The following ZCCHC2 variants were observed in gnomAD, a reference collection of about 807,000 sequenced individuals.
ZCCHC2 encodes zinc finger CCHC domain-containing protein 2.
In ZCCHC2, 39 loss-of-function variants were observed where a neutral mutation model predicts 103.6. That is an observed-to-expected ratio of 0.38 (90% CI 0.29 to 0.49). The LOEUF is 0.49. Among genes scored for constraint, ZCCHC2 ranks in the 20% least tolerant of loss-of-function variants. The probability of loss-of-function intolerance (pLI) is 0.96; values close to 1 mark genes in which losing one functional copy is unlikely to be tolerated. For missense variants in ZCCHC2, 1,483 were observed against 1,491.0 expected (o/e 0.99, Z 0.09); for synonymous variants, 687 against 608.9 (o/e 1.13, Z -1.89).
chr18:62,576,620 G>GT lies in ZCCHC2; in HGVS notation c.*41_*42insT. The GT allele has an allele frequency of 6.3e-7, 1 of 1,581,838 alleles. No homozygotes were observed. Among genetic ancestry groups the GT allele is most frequent in the Non-Finnish European group, 8.7e-7 (1 of 1,152,208 alleles). ...CCTACTTAATACACTCAAGTGTGGG[G>GT]AGTCATGGGGTGTGGAGGGGAGGAA... On this transcript the variant is annotated 3_prime_UTR_variant, in exon 14 of 14. Coordinates refer to ENST00000269499, the MANE Select transcript of ZCCHC2 (RefSeq NM_017742.6).
rs376877137 is a variant in ZCCHC2 at position 62,563,079 on chromosome 18, G to A, written c.1621G>A (p.Asp541Asn). 1.8e-5 allele frequency: 29 copies of A among 1,613,822 alleles called. No homozygotes were observed. In the East Asian group the frequency reaches 2.0e-4, roughly 11 times the overall value. The change falls in exon 9 of 14, where the codon GAT becomes AAT. Residue 541 changes from aspartate to asparagine, a missense_variant. Around this residue, in one of 3 missense-constraint regions of ZCCHC2, gnomAD observed 884 missense variants for 907.5 expected, o/e 0.97. Coordinates refer to ENST00000269499, the MANE Select transcript of ZCCHC2 (RefSeq NM_017742.6). ...MQYSEQNGIV[D>N]WRKQSCTTIQ... ...ATATTCTGAACAGAATGGAATTGTG[G>A]ATTGGAGGAAGCAAAGCTGTACCAC...
chr18:62,528,909 C>T lies in ZCCHC2; in HGVS notation c.939+4546C>T, dbSNP rs547058673. Among the ~76,000 whole-genome samples, 4 of 152,164 alleles carry T rather than the reference C, an allele frequency of 2.6e-5. No homozygotes were observed. The South Asian group carries it at 8.3e-4, about 32-fold the overall frequency. On this transcript the variant is annotated intron_variant, in intron 1 of 13. Transcript: ENST00000269499. ...GGCGCAGTGGCTCACGCCTGTAATT[C>T]CAGCACTTTGAAAGCCAAGGCAGGT...
At chr18:62,548,229 A>C (rs1454551350) in intron 4 of ZCCHC2, among the ~76,000 whole-genome samples, 1 of 152,162 alleles carries the variant, frequency 6.6e-6, no homozygotes, top group African/African-American at 2.4e-5. Flanking sequence ...CTAGAATATA[A>C]AAGACATGAT....
intron 12 of ZCCHC2, among the ~76,000 whole-genome samples, chr18:62,573,644 T>C (rs1850500789): frequency 1.3e-5 from 2 of 152,202 alleles, no homozygotes; most frequent in South Asian, 4.1e-4. Flanking sequence ...ACTGAGCTCT[T>C]TGAAATTGTA....
chr18:62,576,745 G>T lies in ZCCHC2; in HGVS notation c.*166G>T, dbSNP rs1340485165. 1 of 622,406 alleles carries T rather than the reference G, an allele frequency of 1.6e-6. No homozygotes were observed. Among genetic ancestry groups the T allele is most frequent in the Non-Finnish European group, 2.7e-6 (1 of 364,054 alleles). 38.6% of individuals were successfully genotyped at this position (622,406 alleles called of 1,614,324 possible). ...ACCAATGTCCAAAACAAGAAAGAAT[G>T]CAATGCTTTTGAGCCTCTGGTCTCC... On this transcript the variant is annotated 3_prime_UTR_variant, in exon 14 of 14. Transcript: ENST00000269499.
rs551688918 is a variant in ZCCHC2, at chr18:62,537,555, C to T, written c.940-2126C>T. 7.9e-5 allele frequency among the ~76,000 whole-genome samples: 12 copies of T among 152,286 alleles called. No individual in the cohort carries two copies. In the South Asian group the frequency reaches 1.2e-3, roughly 16 times the overall value. On this transcript the variant is annotated intron_variant, in intron 1 of 13. Transcript: ENST00000269499. Reference sequence around the variant, plus strand: ...GCTGTATTTGTTCTTTTGTGTCTGGCTTATTTCACCTAGCATACTCTCTTT... The same window carrying T: ...GCTGTATTTGTTCTTTTGTGTCTGGTTTATTTCACCTAGCATACTCTCTTT...
chr18:62,580,137 TC>T (rs1178374569), downstream of ZCCHC2, among the ~76,000 whole-genome samples: 1 of 152,254 alleles, frequency 6.6e-6, no homozygotes, highest in Non-Finnish European at 1.5e-5. Flanking sequence ...TGCCTAGCTT[TC>T]TGTGCCTGGC....
intron 4 of ZCCHC2, among the ~76,000 whole-genome samples, chr18:62,545,947 T>G (rs1915389453): frequency 6.6e-6 from 1 of 152,230 alleles, no homozygotes; most frequent in African/African-American, 2.4e-5. Context: ...TGTCAAAGTG[T>G]GAATTCCACT....
At chr18:62,531,791 T>TAAAAAA (rs11315078) in intron 1 of ZCCHC2, among the ~76,000 whole-genome samples, 1 of 113,482 alleles carries the variant, frequency 8.8e-6, no homozygotes, top group Admixed American at 9.1e-5. Flanking sequence ...CTACAAAAAG[T>TAAAAAA]AAAAAAAAAA....
chr18:62,527,568 G>A (rs752073544), intron 1 of ZCCHC2, among the ~76,000 whole-genome samples: 1 of 152,162 alleles, frequency 6.6e-6, no homozygotes, highest in Non-Finnish European at 1.5e-5. Flanking sequence ...CAACTTAAAT[G>A]TCAGCAGTTT....
rs376540374 is a variant in ZCCHC2 at position 62,574,034 on chromosome 18, C to A, written c.1976-23C>A. ...ATGGGAGTTATGCCCGTGTTAATAT[C>A]TCTTTATGTTTGTTTTCTTTAGACA... On this transcript the variant is annotated intron_variant, in intron 12 of 13. Coordinates refer to ENST00000269499, the MANE Select transcript of ZCCHC2 (RefSeq NM_017742.6). The A allele has an allele frequency of 3.8e-6, 6 of 1,598,534 alleles. No individual in the cohort carries two copies. In the South Asian group the frequency reaches 4.5e-5, roughly 12 times the overall value.
At chr18:62,549,218 C>T (rs1217848018) in intron 4 of ZCCHC2, among the ~76,000 whole-genome samples, 1 of 117,344 alleles carries the variant, frequency 8.5e-6, no homozygotes, top group Non-Finnish European at 1.8e-5. Flanking sequence ...GACTCCGTCT[C>T]AAAAAAAAAA....
chr18:62,547,407 C>A (rs1038705994), intron 4 of ZCCHC2, among the ~76,000 whole-genome samples: 2 of 151,566 alleles, frequency 1.3e-5, no homozygotes, highest in African/African-American at 2.4e-5. Flanking sequence ...CTTCTGTAGA[C>A]CCCATTGACC....
intron 3 of ZCCHC2, among the ~76,000 whole-genome samples, chr18:62,543,548 C>T (rs1175685910): frequency 2.0e-5 from 3 of 152,166 alleles, no homozygotes; most frequent in African/African-American, 7.2e-5. Context: ...TCAGGCTGGC[C>T]TCTTTTGCTG....
chr18:62,553,520 A>T (rs1227152368), intron 5 of ZCCHC2, among the ~76,000 whole-genome samples: 1 of 151,926 alleles, frequency 6.6e-6, no homozygotes, highest in Non-Finnish European at 1.5e-5. Flanking sequence ...TCAAACTCCT[A>T]GGCTCAAGCA....
At position 62,575,096 on chromosome 18, in the gene ZCCHC2, G is replaced by A. The variant is rs764811564; in HGVS notation, c.3015G>A (p.Gln1005=). The A allele has an allele frequency of 6.2e-7, 1 of 1,614,020 alleles. No individual in the cohort carries two copies. The highest frequency in any genetic ancestry group is 8.5e-7 in the Non-Finnish European group (1 of 1,179,890). The part of the protein sequence containing the change: ...TNANGTVVPP[Q]QMGSGPCGSC... ...CTAATGGGACAGTAGTGCCACCGCA[G>A]CAGATGGGCTCAGGTCCTTGTGGTT... The change falls in exon 13 of 14, where the codon CAG becomes CAA. Residue 1005 remains glutamine (Q), a synonymous_variant. Transcript: ENST00000269499.
chr18:62,551,674 G>A (rs1026563298), intron 5 of ZCCHC2: 1 of 153,410 alleles, frequency 6.5e-6, no homozygotes. Context: ...GGTGACGGTG[G>A]AGGTCAGCGT....
At chr18:62,582,890 G>A (rs1917073692), downstream of ZCCHC2, among the ~76,000 whole-genome samples, 1 of 152,178 alleles carries the variant, frequency 6.6e-6, no homozygotes, top group Non-Finnish European at 1.5e-5. Flanking sequence ...GATCACTTGA[G>A]CCCAAGAATT....
At chr18:62,538,932 A>G (rs1472027466) in intron 1 of ZCCHC2, among the ~76,000 whole-genome samples, 1 of 152,232 alleles carries the variant, frequency 6.6e-6, no homozygotes, top group Non-Finnish European at 1.5e-5. Context: ...GAGATTCTGC[A>G]CATAAAGGGA....
Sources: allele counts gnomAD v4.1 joint callset (sites outside exome capture counted in the v4.1 genomes callset), GRCh38; gene constraint gnomAD v4.1.1; regional missense constraint gnomAD v4.1.1; transcripts MANE v1.5; gene names NCBI Gene and HGNC (gene_info 2026-07-23, HGNC 2026-07-21).